Variants in KLHDC4 observed in about 807,000 individuals in gnomAD.
The protein encoded by KLHDC4 is kelch domain containing 4.
A neutral mutation model predicts 62.4 loss-of-function variants in KLHDC4; 90 were observed. The observed-to-expected ratio is 1.44, with a 90% CI of 1.22 to 1.72. The LOEUF (loss-of-function observed/expected upper bound fraction) is 1.72, where lower values mean the gene tolerates loss of function less well. KLHDC4 is among the 40% of genes most tolerant of loss of function. The pLI, the probability that KLHDC4 is intolerant of heterozygous loss-of-function variation, is 0.00. For synonymous variants in KLHDC4, 386 were observed against 284.4 expected (o/e 1.36, Z -3.59); for missense variants, 1,025 against 699.7 (o/e 1.47, Z -5.25).
rs770378718 is a variant in KLHDC4, at chr16:87,709,643, G to A, written c.1069C>T (p.Arg357Cys). The change falls in exon 10 of 12, where the codon CGC (arginine) becomes TGC (cysteine). Residue 357 changes from arginine (R) to cysteine (C), a missense_variant. Coordinates refer to ENST00000270583, the MANE Select transcript of KLHDC4 (RefSeq NM_017566.4). ...GGCTCCTCTTTTCTGCCCCGCCTGCGTTTCTTCTTTTCAGACTTGGGTCCC... is the reference window on the plus strand; with the variant it reads ...GGCTCCTCTTTTCTGCCCCGCCTGCATTTCTTCTTTTCAGACTTGGGTCCC... ...LKGPKSEKKKRRRGRKEEPEG... is the reference protein window; with the variant it reads ...LKGPKSEKKKCRRGRKEEPEG... The A allele has an allele frequency of 7.5e-5, 120 of 1,604,094 alleles. No individual in the cohort carries two copies. The highest frequency in any genetic ancestry group is 1.6e-4 in the Middle Eastern group (1 of 6,066).
intron 7 of KLHDC4, among the ~76,000 whole-genome samples, chr16:87,715,619 C>A (rs1319361608): frequency 2.6e-5 from 4 of 152,110 alleles, no homozygotes; most frequent in Non-Finnish European, 4.4e-5. Context: ...TAGAGTGCCC[C>A]TCTACTGGGA....
chr16:87,713,434 G>A (rs980800064), intron 8 of KLHDC4, among the ~76,000 whole-genome samples: 3 of 151,358 alleles, frequency 2.0e-5, no homozygotes, highest in Non-Finnish European at 4.4e-5. Context: ...TTGGCCTCAA[G>A]CAATCCTCCC....
intron 1 of KLHDC4, among the ~76,000 whole-genome samples, chr16:87,763,076 T>C (rs1348764709): frequency 6.6e-6 from 1 of 152,210 alleles, no homozygotes; most frequent in Non-Finnish European, 1.5e-5. Flanking sequence ...CTGCTTAGTA[T>C]TCTAAACGAT....
chr16:87,761,413 C>G (rs1376501915), intron 2 of KLHDC4, among the ~76,000 whole-genome samples: 1 of 152,244 alleles, frequency 6.6e-6, no homozygotes, highest in Non-Finnish European at 1.5e-5. Context: ...CAAGGTTAAT[C>G]TCCTACTGAG....
chr16:87,748,689 T>A lies in KLHDC4; in HGVS notation c.490A>T (p.Thr164Ser), dbSNP rs1279835015. Residue 164 changes from threonine (T) to serine (S), a missense_variant, in exon 5 of 12, where the codon ACC becomes TCC. Physicochemically the swap from Thr to Ser is moderately conservative, Grantham distance 58 (BLOSUM62 1). Transcript: ENST00000270583. ...GCTTCTTACTTGACTTGTTCCCAGG[T>A]CTTGGTGGCCAAATGCAGGACCCAG... Reference protein sequence around the residue: ...DLWVLHLATKTWEQVKSTGGP... With the variant: ...DLWVLHLATKSWEQVKSTGGP... 2 of 1,613,402 alleles carry A rather than the reference T, an allele frequency of 1.2e-6. No homozygotes were observed. Among genetic ancestry groups the A allele is most frequent in the African/African-American group, 1.3e-5 (1 of 74,700 alleles).
chr16:87,763,221 G>C (rs1348770793), intron 1 of KLHDC4, among the ~76,000 whole-genome samples: 2 of 152,192 alleles, frequency 1.3e-5, no homozygotes, highest in South Asian at 2.1e-4. Flanking sequence ...TCTGGAACTC[G>C]ATGCTTATTA....
Position 87,708,465 on chromosome 16 carries a change from T to C in KLHDC4, c.1449A>G (p.Glu483=). Reference sequence around the variant, plus strand: ...CCGTCTCCTCCAGCCACTCCTGAGTTTCTTCAAAAGCAGAATGAACGCACA... The same window carrying C: ...CCGTCTCCTCCAGCCACTCCTGAGTCTCTTCAAAAGCAGAATGAACGCACA... The part of the protein sequence containing the change: ...AWKALVEMDP[E]TQEWLEETDS... The change falls in exon 11 of 12, where the codon GAA becomes GAG. Residue 483 remains glutamate (E), a splice_region_variant and synonymous_variant. Coordinates refer to ENST00000270583, the MANE Select transcript of KLHDC4 (RefSeq NM_017566.4). 1 of 1,598,900 alleles carries C rather than the reference T, an allele frequency of 6.3e-7. No homozygotes were observed. The highest frequency in any genetic ancestry group is 8.5e-7 in the Non-Finnish European group (1 of 1,171,644).
chr16:87,703,342 C>G (rs1435539652), downstream of KLHDC4: 1 of 151,744 alleles, frequency 6.6e-6, no homozygotes, highest in African/African-American at 2.4e-5. Flanking sequence ...TCCCCCAGCC[C>G]TGAGTCTCCG....
At chr16:87,760,329 C>G (rs1055955493) in intron 2 of KLHDC4, among the ~76,000 whole-genome samples, 4 of 151,372 alleles carry the variant, frequency 2.6e-5, no homozygotes, top group Admixed American at 2.6e-4. Context: ...TCTACAGGGC[C>G]GGGCACGGTG....
At chr16:87,755,383 A>T (rs1248997393) in intron 3 of KLHDC4, 91 bp from the exon 4 acceptor site, 5 of 717,582 alleles carry the variant, frequency 7.0e-6, no homozygotes, top group Non-Finnish European at 1.2e-5. Context: ...TTCCCTGGGA[A>T]ACTGACATGC....
chr16:87,753,605 G>C (rs1338651832), intron 4 of KLHDC4, among the ~76,000 whole-genome samples: 1 of 150,882 alleles, frequency 6.6e-6, no homozygotes, highest in Non-Finnish European at 1.5e-5. Flanking sequence ...TTCGAAACCA[G>C]CCTGGCCAAC....
chr16:87,748,158 T>A (rs1251319955), intron 5 of KLHDC4, among the ~76,000 whole-genome samples: 1 of 152,170 alleles, frequency 6.6e-6, no homozygotes, highest in Non-Finnish European at 1.5e-5. Context: ...TAAACATGCA[T>A]CAGAAACCCC....
intron 5 of KLHDC4, among the ~76,000 whole-genome samples, chr16:87,733,498 T>C (rs2040759878): frequency 6.6e-6 from 1 of 152,270 alleles, no homozygotes; most frequent in East Asian, 1.9e-4. Flanking sequence ...GGGAATCTCC[T>C]AGAGCCGCAG....
intron 7 of KLHDC4, among the ~76,000 whole-genome samples, chr16:87,718,117 G>C (rs967365458): frequency 2.0e-5 from 3 of 152,088 alleles, no homozygotes; most frequent in African/African-American, 7.2e-5. Context: ...TTTTCTTGAA[G>C]TGTTGTGACT....
intron 1 of KLHDC4, among the ~76,000 whole-genome samples, chr16:87,763,327 G>T (rs2046153077): frequency 6.6e-6 from 1 of 152,230 alleles, no homozygotes; most frequent in African/African-American, 2.4e-5. Flanking sequence ...AATGGACTGG[G>T]CACAGTGGCT....
At position 87,733,086 on chromosome 16, in the gene KLHDC4, G is replaced by C. The variant is rs971917947; in HGVS notation, c.507-2442C>G. On this transcript the variant is annotated intron_variant, in intron 5 of 11. Coordinates refer to ENST00000270583, the MANE Select transcript of KLHDC4 (RefSeq NM_017566.4). ...CTATCCCAGCTTTTATCGGTGAAAA[G>C]GCAGGTGCAAAGCAAATCCTATCCC... 9.5e-5 allele frequency among the ~76,000 whole-genome samples: 14 copies of C among 147,258 alleles called. 1 individual carries two copies. Among genetic ancestry groups the C allele is most frequent in the South Asian group, 4.3e-4 (2 of 4,608 alleles).
downstream of KLHDC4, among the ~76,000 whole-genome samples, chr16:87,703,947 C>A (rs558715663): frequency 4.4e-4 from 67 of 152,010 alleles, no homozygotes; most frequent in Non-Finnish European, 8.8e-4. Flanking sequence ...CTCCAGCGCC[C>A]CCGGCCTCCA....
chr16:87,733,886 G>C (rs1257733025), intron 5 of KLHDC4, among the ~76,000 whole-genome samples: 1 of 152,220 alleles, frequency 6.6e-6, no homozygotes, highest in African/African-American at 2.4e-5. Flanking sequence ...ACAGGTCACA[G>C]CAACTCTGGG....
chr16:87,748,763 C>G lies in KLHDC4; in HGVS notation c.416G>C (p.Gly139Ala), dbSNP rs1194020361. The change falls in exon 5 of 12, where the codon GGG (glycine) becomes GCG (alanine). Residue 139 changes from glycine (G) to alanine (A), a missense_variant. Coordinates refer to ENST00000270583, the MANE Select transcript of KLHDC4 (RefSeq NM_017566.4). ...CTCTCCGTTGGGAGAGGCAAACTCC[C>G]CTCCAAAGACCCACAGCTGTCCGCC... is the stretch of plus-strand genomic sequence containing the variant. ...QGGGQLWVFG[G>A]EFASPNGEQF... 1.2e-6 allele frequency: 2 copies of G among 1,613,350 alleles called. No homozygotes were observed. Among genetic ancestry groups the G allele is most frequent in the African/African-American group, 1.3e-5 (1 of 74,744 alleles).
Sources: allele counts gnomAD v4.1 joint callset (sites outside exome capture counted in the v4.1 genomes callset), GRCh38; gene constraint gnomAD v4.1.1; transcripts MANE v1.5; gene names NCBI Gene and HGNC (gene_info 2026-07-23, HGNC 2026-07-21).